The following DUS2 variants were observed in gnomAD, a reference collection of about 807,000 sequenced individuals.
DUS2 encodes the protein dihydrouridine synthase 2.
In DUS2, 52 loss-of-function variants were observed where a neutral mutation model predicts 71.3. That is an observed-to-expected ratio of 0.73 (90% CI 0.58 to 0.92). The LOEUF (loss-of-function observed/expected upper bound fraction) is 0.92. Among genes scored for constraint, DUS2 ranks in the 40% least tolerant of loss-of-function variants. DUS2 has a pLI of 0.00. For synonymous variants in DUS2, 204 were observed against 227.8 expected, an observed-to-expected ratio of 0.90 and a Z score of 0.94; for missense variants, 558 against 622.6, an observed-to-expected ratio of 0.90 and a Z score of 1.10.
chr16:68,028,636 C>T (rs186144589), intron 2 of DUS2, among the ~76,000 whole-genome samples: 2 of 152,242 alleles, frequency 1.3e-5, no homozygotes, highest in Admixed American at 6.5e-5. Context: ...GAGACTCCGT[C>T]TCAAAACAAA....
At chr16:68,035,965 T>TTTTA (rs2033519766) in intron 2 of DUS2, among the ~76,000 whole-genome samples, 1 of 140,288 alleles carries the variant, frequency 7.1e-6, no homozygotes. Context: ...CACACATATG[T>TTTTA]TATATATATA....
chr16:68,031,549 T>C (rs1289130742), intron 2 of DUS2, among the ~76,000 whole-genome samples: 5 of 152,212 alleles, frequency 3.3e-5, no homozygotes, highest in African/African-American at 1.2e-4. Flanking sequence ...CCAGATGTAC[T>C]TGTGGCTTGC....
intron 2 of DUS2, among the ~76,000 whole-genome samples, chr16:68,033,353 T>C (rs1434081311): frequency 6.6e-6 from 1 of 152,128 alleles, no homozygotes; most frequent in Non-Finnish European, 1.5e-5. Context: ...AATGAGTAAT[T>C]GGGAGACTGG....
intron 12 of DUS2, among the ~76,000 whole-genome samples, chr16:68,071,427 G>A (rs919285132): frequency 6.6e-6 from 1 of 152,108 alleles, no homozygotes; most frequent in Admixed American, 6.5e-5. Flanking sequence ...TTTCTCACAC[G>A]CTGCACATAC....
intron 3 of DUS2, among the ~76,000 whole-genome samples, chr16:68,045,969 C>T (rs1043933537): frequency 3.9e-5 from 6 of 152,188 alleles, no homozygotes; most frequent in East Asian, 1.9e-4. Context: ...CCACCCTCCC[C>T]GGCCTCCCGA....
chr16:68,057,274 A>G (rs1402362275), intron 7 of DUS2, among the ~76,000 whole-genome samples: 1 of 147,970 alleles, frequency 6.8e-6, no homozygotes, highest in Non-Finnish European at 1.5e-5. Flanking sequence ...AGAGAGAGAG[A>G]GAGAGAACTC....
rs1298817050 is a variant in DUS2 at position 68,060,964 on chromosome 16, G to C, written c.370-102G>C. The C allele has an allele frequency of 1.1e-5, 12 of 1,135,130 alleles. No homozygotes were observed. The East Asian group carries it at 2.6e-4, about 25-fold the overall frequency. 70.3% of individuals were successfully genotyped at this position (1,135,130 alleles called of 1,614,324 possible). A position where few individuals can be genotyped will look rare whatever the true frequency, so the allele number is the denominator to read the frequency against. On this transcript the variant is annotated intron_variant, in intron 7 of 16. Transcript: ENST00000565263. ...GTTGCCAGTGGGCCTTGGTCCCTTG[G>C]AAGTGAGTGCCGGGGTGACGCTCAG...
At chr16:68,061,033 A>G in intron 7 of DUS2, 33 bp from the exon 8 acceptor site, 1 of 1,609,980 alleles carries the variant, frequency 6.2e-7, no homozygotes, top group Non-Finnish European at 8.5e-7. Flanking sequence ...TGTCTCCCAG[A>G]TGTAAGAAGA....
At chr16:68,077,035 A>G (rs547427587) in intron 15 of DUS2, among the ~76,000 whole-genome samples, 1 of 152,116 alleles carries the variant, frequency 6.6e-6, no homozygotes, top group African/African-American at 2.4e-5. Context: ...GGCAGGTGGA[A>G]CACGAGGTCA....
chr16:68,041,765 G>A (rs1219445744), intron 3 of DUS2, among the ~76,000 whole-genome samples: 1 of 150,064 alleles, frequency 6.7e-6, no homozygotes, highest in African/African-American at 2.5e-5. Flanking sequence ...TGTGCCCAGT[G>A]CGCCATTGCA....
intron 4 of DUS2, among the ~76,000 whole-genome samples, chr16:68,053,006 A>G (rs140497176): frequency 0.013 from 2,008 of 149,008 alleles, 21 homozygotes; most frequent in Non-Finnish European, 0.021. Context: ...TCTGTCGCCC[A>G]GGCTGGAGTG....
At chr16:68,063,994 G>T (rs937994644) in intron 8 of DUS2, among the ~76,000 whole-genome samples, 1 of 152,192 alleles carries the variant, frequency 6.6e-6, no homozygotes, top group Non-Finnish European at 1.5e-5. Context: ...GATTACAGGT[G>T]TGCGCAGGGC....
At chr16:68,035,958 A>G (rs1161629648) in intron 2 of DUS2, among the ~76,000 whole-genome samples, 1 of 140,022 alleles carries the variant, frequency 7.1e-6, no homozygotes, top group East Asian at 2.0e-4. Flanking sequence ...ATATATACAC[A>G]CATATGTTAT....
At chr16:68,076,581 G>A in intron 14 of DUS2, 51 bp from the exon 15 acceptor site, 5 of 1,405,378 alleles carry the variant, frequency 3.6e-6, no homozygotes, top group Non-Finnish European at 5.0e-6. Context: ...CTGGCTGAGG[G>A]AGGGAGCGGT....
At chr16:68,078,324 G>A in intron 15 of DUS2, 121 bp from the exon 16 acceptor site, 6 of 902,420 alleles carry the variant, frequency 6.6e-6, no homozygotes. Flanking sequence ...TGTGATACAG[G>A]CAGCCTTCAT....
rs369381912 is a variant in DUS2 at position 68,076,705 on chromosome 16, C to T, written c.1156C>T (p.Pro386Ser). ...GTGCCGGAGGGAGAAGTTGGCACAG[C>T]CTGTGTATGAAACGGTGAGTTCCTG... Reference protein sequence around the residue: ...EWCRREKLAQPVYETVQRPLD... With the variant: ...EWCRREKLAQSVYETVQRPLD... Residue 386 changes from proline (P) to serine (S), a missense_variant, in exon 15 of 17, where the codon CCT becomes TCT. Transcript: ENST00000565263. 4.4e-5 allele frequency: 71 copies of T among 1,613,796 alleles called. No homozygotes were observed. Among genetic ancestry groups the T allele is most frequent in the Non-Finnish European group, 5.4e-5 (64 of 1,179,828 alleles).
intron 8 of DUS2, among the ~76,000 whole-genome samples, chr16:68,065,920 C>G (rs949107996): frequency 1.3e-5 from 2 of 152,004 alleles, no homozygotes; most frequent in African/African-American, 4.8e-5. Context: ...TAAGCCCTTC[C>G]CCTAGAGACT....
At chr16:68,069,508 G>A (rs1353532156) in intron 10 of DUS2, among the ~76,000 whole-genome samples, 1 of 152,216 alleles carries the variant, frequency 6.6e-6, no homozygotes, top group Non-Finnish European at 1.5e-5. Flanking sequence ...CAGGCCTCAC[G>A]TCAGCAGCCC....
chr16:68,051,027 TA>T (rs778553932), intron 4 of DUS2, among the ~76,000 whole-genome samples: 162 of 152,336 alleles, frequency 1.1e-3, no homozygotes, highest in Middle Eastern at 3.4e-3. Context: ...TGGATGATAA[TA>T]AAACCATCCA....
Sources: gnomAD v4.1 joint callset for allele counts (sites outside exome capture counted in the v4.1 genomes callset) on GRCh38, gnomAD v4.1.1 for gene constraint, MANE v1.5 for transcripts, NCBI Gene and HGNC (gene_info 2026-07-23, HGNC 2026-07-21) for gene names.